DPYSL5: variants seen among roughly 807,000 people sequenced by gnomAD.
DPYSL5 encodes the protein dihydropyrimidinase like 5, also known as dihydropyrimidinase-related protein 5.
A neutral mutation model predicts 58.4 loss-of-function variants in DPYSL5; 9 were observed. The observed-to-expected ratio is 0.15, with a 90% CI of 0.09 to 0.27. DPYSL5 has a LOEUF of 0.27. Among genes scored for constraint, DPYSL5 ranks in the 10% least tolerant of loss-of-function variants. DPYSL5 has a pLI of 1.00. For synonymous variants in DPYSL5, 293 were observed against 301.9 expected (o/e 0.97, Z 0.31); for missense variants, 499 against 770.6 (o/e 0.65, Z 4.17).
intron 1 of DPYSL5, among the ~76,000 whole-genome samples, chr2:26,879,128 G>A (rs535450210): frequency 5.3e-5 from 8 of 152,318 alleles, no homozygotes; most frequent in African/African-American, 1.9e-4. Context: ...ATTTTAGCAA[G>A]CTCAATCTGC....
rs1572669881 is a variant in DPYSL5, at chr2:26,858,058, A to G, written c.-5+9804A>G. Reference sequence around the variant, plus strand: ...TCCTAACTTGGCTGGTTTTTGCCTTATGTGATCCATTCACAGCCCAAATTG... The same window carrying G: ...TCCTAACTTGGCTGGTTTTTGCCTTGTGTGATCCATTCACAGCCCAAATTG... On this transcript the variant is annotated intron_variant, in intron 1 of 12. Transcript: ENST00000288699. Among the ~76,000 whole-genome samples, 6 of 152,114 alleles carry G rather than the reference A, an allele frequency of 3.9e-5. 1 individual carries two copies. The South Asian group carries it at 1.0e-3, about 26-fold the overall frequency.
chr2:26,860,748 T>A (rs1665990788), intron 1 of DPYSL5, among the ~76,000 whole-genome samples: 1 of 152,218 alleles, frequency 6.6e-6, no homozygotes. Context: ...ATCTCTAATA[T>A]ATATCATTGA....
rs1258944694 is a variant in DPYSL5 at position 26,924,195 on chromosome 2, G to A, written c.262-692G>A. ...TTTTAAAGTGGTATCTTGCGGAGTT[G>A]TGAATAGGATCCGTTTTCACTGATA... On this transcript the variant is annotated intron_variant, in intron 2 of 12. Transcript: ENST00000288699. The surrounding 1 kb of genome is among the most constrained non-coding windows in gnomAD (Gnocchi z 4.7). Among the ~76,000 whole-genome samples the A allele has an allele frequency of 6.6e-6, 1 of 152,148 alleles. No individual in the cohort carries two copies. The highest frequency in any genetic ancestry group is 1.5e-5 in the Non-Finnish European group (1 of 68,032).
At chr2:26,860,532 A>G (rs937661493) in intron 1 of DPYSL5, among the ~76,000 whole-genome samples, 6 of 152,242 alleles carry the variant, frequency 3.9e-5, no homozygotes, top group African/African-American at 1.4e-4. Context: ...TACCACTGCT[A>G]GCAATTTTTC....
chr2:26,943,425 A>G (rs2148177578), intron 11 of DPYSL5, among the ~76,000 whole-genome samples: 1 of 152,218 alleles, frequency 6.6e-6, no homozygotes, highest in Non-Finnish European at 1.5e-5. Context: ...ACACTCAGCT[A>G]ATGTTTACTT....
At chr2:26,945,598 G>A (rs926121183) in intron 12 of DPYSL5, among the ~76,000 whole-genome samples, 3 of 149,900 alleles carry the variant, frequency 2.0e-5, no homozygotes, top group Non-Finnish European at 3.0e-5. Context: ...AAGATGCCTC[G>A]GGCCTCCAGG....
intron 1 of DPYSL5, among the ~76,000 whole-genome samples, chr2:26,891,479 C>G (rs1367541871): frequency 6.6e-6 from 1 of 151,872 alleles, no homozygotes; most frequent in Non-Finnish European, 1.5e-5. Context: ...AGACTTCCAA[C>G]TAGGAAGTGG....
chr2:26,926,350 C>T (rs1019059098), intron 3 of DPYSL5, among the ~76,000 whole-genome samples: 4 of 152,188 alleles, frequency 2.6e-5, no homozygotes, highest in Non-Finnish European at 5.9e-5. Flanking sequence ...CTCTGAGCCA[C>T]TCTCTACTTC....
chr2:26,913,794 C>T (rs1009478458), intron 2 of DPYSL5, among the ~76,000 whole-genome samples: 1 of 152,076 alleles, frequency 6.6e-6, no homozygotes, highest in Non-Finnish European at 1.5e-5. Context: ...CCCTGGGACT[C>T]GCTGATCTGC....
chr2:26,855,104 C>T (rs919835311), intron 1 of DPYSL5, among the ~76,000 whole-genome samples: 1 of 151,860 alleles, frequency 6.6e-6, no homozygotes, highest in Admixed American at 6.5e-5. Flanking sequence ...AGGCGTGAGC[C>T]ACTGCGCCTG....
intron 1 of DPYSL5, among the ~76,000 whole-genome samples, chr2:26,858,170 A>ATTTT (rs70953831): frequency 2.4e-5 from 3 of 127,116 alleles, no homozygotes; most frequent in South Asian, 2.5e-4. Flanking sequence ...CAGACTTAAC[A>ATTTT]TTTTTTTTTT....
intron 1 of DPYSL5, among the ~76,000 whole-genome samples, chr2:26,874,116 T>A (rs1034355062): frequency 2.6e-5 from 4 of 152,194 alleles, no homozygotes; most frequent in South Asian, 2.1e-4. Flanking sequence ...CTCATTTTTT[T>A]AATTGCATTG....
chr2:26,939,972 C>A (rs749117660), intron 8 of DPYSL5, 59 bp from the exon 9 acceptor site: 35 of 1,606,634 alleles, frequency 2.2e-5, no homozygotes, highest in Non-Finnish European at 2.9e-5. Context: ...TATCTATCCT[C>A]ACCCTCTAAG....
rs200634639 is a variant in DPYSL5 at position 26,927,229 on chromosome 2, A to T, written c.421-24A>T. On this transcript the variant is annotated intron_variant, in intron 3 of 12. Coordinates refer to ENST00000288699, the MANE Select transcript of DPYSL5 (RefSeq NM_020134.4). The surrounding 1 kb of genome is among the most constrained non-coding windows in gnomAD (Gnocchi z 4.3). The stretch of plus-strand genomic sequence containing the variant: ...TCTTGGGTGTCTGCCCTCACGCAGC[A>T]TTGCCCTTCTACTTGTTCTCCAGGT... 1.9e-6 allele frequency: 3 copies of T among 1,605,722 alleles called. No homozygotes were observed. Among genetic ancestry groups the T allele is most frequent in the Non-Finnish European group, 2.6e-6 (3 of 1,175,390 alleles).
intron 6 of DPYSL5, among the ~76,000 whole-genome samples, chr2:26,932,888 T>C (rs1361560720): frequency 6.6e-6 from 1 of 152,158 alleles, no homozygotes; most frequent in African/African-American, 2.4e-5. Context: ...CGACTAACTC[T>C]AGGTCATCAC....
chr2:26,943,137 C>CG (rs879607879), intron 11 of DPYSL5, among the ~76,000 whole-genome samples: 27 of 151,760 alleles, frequency 1.8e-4, no homozygotes, highest in Non-Finnish European at 2.8e-4. Context: ...ATGAAGCAAG[C>CG]GGGGGGTAGA....
intron 2 of DPYSL5, among the ~76,000 whole-genome samples, chr2:26,914,524 G>T (rs1664517131): frequency 6.6e-6 from 1 of 152,204 alleles, no homozygotes; most frequent in Non-Finnish European, 1.5e-5. Flanking sequence ...AGGGGCTTTT[G>T]CACAGCCTCC....
intron 2 of DPYSL5, among the ~76,000 whole-genome samples, chr2:26,902,490 C>T (rs903122439): frequency 1.3e-5 from 2 of 152,020 alleles, no homozygotes; most frequent in African/African-American, 2.4e-5. Flanking sequence ...ATATTGATAG[C>T]GAGGACAGAC....
At position 26,940,118 on chromosome 2, in the gene DPYSL5, A is replaced by T; in HGVS notation, c.1035A>T (p.Pro345=). 1 of 1,614,236 alleles carries T rather than the reference A, an allele frequency of 6.2e-7. No individual in the cohort carries two copies. Residue 345 remains proline, a synonymous_variant, in exon 9 of 13, where the codon CCA becomes CCT. Coordinates refer to ENST00000288699, the MANE Select transcript of DPYSL5 (RefSeq NM_020134.4). ...AMGKEDFTKI[P]HGVSGVQDRM... ...GCAAGGAAGACTTCACCAAGATCCC[A>T]CATGGAGTGAGTGGCGTGCAGGACC...
Sources: gnomAD v4.1 joint callset for allele counts (sites outside exome capture counted in the v4.1 genomes callset) on GRCh38, gnomAD v4.1.1 for gene constraint, Gnocchi (gnomAD v3.1) non-coding constraint, MANE v1.5 for transcripts, NCBI Gene and HGNC (gene_info 2026-07-23, HGNC 2026-07-21) for gene names.